The following TMEM132B variants were observed in gnomAD, a reference collection of about 807,000 sequenced individuals.
The protein encoded by TMEM132B is transmembrane protein 132B.
A neutral mutation model predicts 90.8 loss-of-function variants in TMEM132B; 18 were observed. The observed-to-expected ratio is 0.20, with a 90% CI of 0.14 to 0.29. The LOEUF (loss-of-function observed/expected upper bound fraction) is 0.29. TMEM132B is among the 10% of genes least tolerant of loss of function. TMEM132B has a pLI of 1.00. For missense variants in TMEM132B, 1,096 were observed against 1,326.8 expected, an observed-to-expected ratio of 0.83 and a Z score of 2.70; for synonymous variants, 504 against 523.3, an observed-to-expected ratio of 0.96 and a Z score of 0.50.
chr12:125,357,827 C>T (rs956373378), intron 2 of TMEM132B, among the ~76,000 whole-genome samples: 3 of 152,226 alleles, frequency 2.0e-5, no homozygotes, highest in Non-Finnish European at 4.4e-5. Context: ...AGACCCAGGA[C>T]TCATGTCACG....
At chr12:125,319,313 CCA>C (rs1420823206) in intron 1 of TMEM132B, among the ~76,000 whole-genome samples, 2 of 152,176 alleles carry the variant, frequency 1.3e-5, no homozygotes, top group Admixed American at 1.3e-4. Flanking sequence ...GTCATTCCAT[CCA>C]CACAGTGAGA....
intron 4 of TMEM132B, among the ~76,000 whole-genome samples, chr12:125,526,075 G>A (rs1883449191): frequency 6.6e-6 from 1 of 152,198 alleles, no homozygotes; most frequent in Non-Finnish European, 1.5e-5. Context: ...ACTCTGGGAT[G>A]GCAGAGCAGA....
At chr12:125,441,204 C>T (rs1335287678) in intron 3 of TMEM132B, among the ~76,000 whole-genome samples, 2 of 152,066 alleles carry the variant, frequency 1.3e-5, no homozygotes, top group Non-Finnish European at 2.9e-5. Flanking sequence ...GAATAAATAA[C>T]CTGTAATATT....
At chr12:125,530,569 C>T (rs1425463048) in intron 4 of TMEM132B, among the ~76,000 whole-genome samples, 1 of 152,254 alleles carries the variant, frequency 6.6e-6, no homozygotes. Context: ...TATTTTCTCA[C>T]AGCTCTGGAG....
intron 2 of TMEM132B, among the ~76,000 whole-genome samples, chr12:125,373,950 A>G (rs1478686450): frequency 1.3e-5 from 2 of 152,128 alleles, no homozygotes; most frequent in Non-Finnish European, 2.9e-5. Flanking sequence ...ACGCACCACC[A>G]AGCCTGGCTA....
At chr12:125,650,644 A>T (rs780687909) in intron 6 of TMEM132B, 39 bp from the exon 7 acceptor site, 2 of 1,591,058 alleles carry the variant, frequency 1.3e-6, no homozygotes, top group Non-Finnish European at 1.7e-6. Context: ...ACTTCTTAAC[A>T]ATGAAGACTT....
chr12:125,316,331 G>A (rs1452116571), intron 1 of TMEM132B, among the ~76,000 whole-genome samples: 2 of 152,170 alleles, frequency 1.3e-5, no homozygotes, highest in Non-Finnish European at 2.9e-5. Context: ...CCTGGTGGGG[G>A]GCGGGAGCAG....
chr12:125,585,718 G>A (rs1487907497), intron 5 of TMEM132B: 1 of 152,174 alleles, frequency 6.6e-6, no homozygotes, highest in Non-Finnish European at 1.5e-5. Context: ...CCACACAAAT[G>A]TACTAAAAGT....
intron 4 of TMEM132B, among the ~76,000 whole-genome samples, chr12:125,526,834 T>C (rs1192180667): frequency 6.6e-6 from 1 of 152,024 alleles, no homozygotes; most frequent in East Asian, 1.9e-4. Context: ...CACTCATTCA[T>C]TCTTCCTTCC....
chr12:125,288,908 T>C (rs1875449698), intron 1 of TMEM132B, among the ~76,000 whole-genome samples: 1 of 152,152 alleles, frequency 6.6e-6, no homozygotes, highest in South Asian at 2.1e-4. Flanking sequence ...CCCAGGCTGC[T>C]GATGGTAGTT....
At chr12:125,191,651 A>G (rs1056654461) in intron 1 of TMEM132B, among the ~76,000 whole-genome samples, 1 of 152,176 alleles carries the variant, frequency 6.6e-6, no homozygotes, top group Non-Finnish European at 1.5e-5. Context: ...CAACAAATAA[A>G]TGTATTAACG....
chr12:125,472,597 T>C (rs538683252), intron 3 of TMEM132B, among the ~76,000 whole-genome samples: 19 of 152,246 alleles, frequency 1.2e-4, no homozygotes, highest in Admixed American at 1.0e-3. Context: ...CCAACTTTCA[T>C]ATGTTGAAAG....
chr12:125,357,304 G>T (rs1877810393), intron 2 of TMEM132B, among the ~76,000 whole-genome samples: 1 of 152,148 alleles, frequency 6.6e-6, no homozygotes, highest in Admixed American at 6.5e-5. Flanking sequence ...TCAAACAATG[G>T]GCTATGCCAG....
At position 125,277,530 on chromosome 12, in the gene TMEM132B, T is replaced by TACAC; in HGVS notation, c.68-71913_68-71910dup. 1.1e-5 allele frequency among the ~76,000 whole-genome samples: 1 copy of TACAC among 89,302 alleles called. No homozygotes were observed. The highest frequency in any genetic ancestry group is 3.4e-4 in the South Asian group (1 of 2,926). 58.6% of individuals were successfully genotyped at this position (89,302 alleles called of 152,430 possible). On this transcript the variant is annotated intron_variant, in intron 1 of 8. Transcript: ENST00000682704. The surrounding 1 kb of genome is among the most constrained non-coding windows in gnomAD (Gnocchi z 4.3). ...ACACACACACACACACACACACACATACACACACACACGGGAAGGCCATGT... is the reference window on the plus strand; with the variant it reads ...ACACACACACACACACACACACACATACACACACACACACACGGGAAGGCCATGT...
intron 5 of TMEM132B, among the ~76,000 whole-genome samples, chr12:125,626,991 C>T (rs1307095112): frequency 6.6e-6 from 1 of 152,090 alleles, no homozygotes; most frequent in Non-Finnish European, 1.5e-5. Context: ...CTTTGTCACT[C>T]TTATTCCCTT....
chr12:125,278,422 A>G lies in TMEM132B; in HGVS notation c.68-71030A>G, dbSNP rs1875065116. Among the ~76,000 whole-genome samples, 3 of 151,938 alleles carry G rather than the reference A, an allele frequency of 2.0e-5. No individual in the cohort carries two copies. The South Asian group carries it at 6.2e-4, about 32-fold the overall frequency. Reference sequence around the variant, plus strand: ...AAACTCATATTGGTTTTTAATTTCAAAAATTTAACTGTCAATCAAGGTCAT... The same window carrying G: ...AAACTCATATTGGTTTTTAATTTCAGAAATTTAACTGTCAATCAAGGTCAT... On this transcript the variant is annotated intron_variant, in intron 1 of 8. Transcript: ENST00000682704.
At chr12:125,545,135 G>A (rs1003359927) in intron 4 of TMEM132B, among the ~76,000 whole-genome samples, 1 of 152,196 alleles carries the variant, frequency 6.6e-6, no homozygotes, top group Non-Finnish European at 1.5e-5. Context: ...TGGAAATCAA[G>A]TGACCCCAGG....
At chr12:125,589,569 G>A (rs1269876429) in intron 5 of TMEM132B, among the ~76,000 whole-genome samples, 2 of 151,114 alleles carry the variant, frequency 1.3e-5, no homozygotes, top group African/African-American at 4.9e-5. Flanking sequence ...GGTTTCACAA[G>A]CTATACAGGA....
intron 2 of TMEM132B, among the ~76,000 whole-genome samples, chr12:125,400,356 G>A (rs1038756993): frequency 6.6e-6 from 1 of 152,228 alleles, no homozygotes; most frequent in Non-Finnish European, 1.5e-5. Flanking sequence ...CTGGCATGCA[G>A]ATCCCCCTTC....
Sources: allele counts gnomAD v4.1 joint callset (sites outside exome capture counted in the v4.1 genomes callset), GRCh38; gene constraint gnomAD v4.1.1; non-coding constraint Gnocchi (gnomAD v3.1); transcripts MANE v1.5; gene names NCBI Gene and HGNC (gene_info 2026-07-23, HGNC 2026-07-21).